The following WDFY2 variants were observed in gnomAD, a reference collection of about 807,000 sequenced individuals.
WDFY2 encodes WD repeat and FYVE domain-containing protein 2.
Under a neutral mutation model 56.4 loss-of-function variants are expected in WDFY2, and 36 were observed. The ratio of observed to expected loss-of-function variants is 0.64; its 90% CI spans 0.49 to 0.84. WDFY2 has a LOEUF of 0.84. Among genes scored for constraint, WDFY2 ranks in the 40% least tolerant of loss-of-function variants. WDFY2 has a pLI of 0.00. For synonymous variants in WDFY2, 176 were observed against 183.7 expected (o/e 0.96, Z 0.34); for missense variants, 444 against 512.2 (o/e 0.87, Z 1.29).
intron 1 of WDFY2, among the ~76,000 whole-genome samples, chr13:51,605,956 C>T (rs1954378196): frequency 6.6e-6 from 1 of 152,194 alleles, no homozygotes; most frequent in Admixed American, 6.5e-5. Flanking sequence ...TTCATTCTAA[C>T]ATCAATCGCA....
Position 51,665,114 on chromosome 13 carries a change from G to T in WDFY2, c.205+4451G>T, listed in dbSNP as rs534258300. 5.9e-5 allele frequency among the ~76,000 whole-genome samples: 9 copies of T among 152,288 alleles called. No homozygotes were observed. In the East Asian group the frequency reaches 1.7e-3, roughly 29 times the overall value. ...GACATGGTCACAAAGTCTGCCTAAG[G>T]AAAGTTCATTTTAAACCCTACTCTC... On this transcript the variant is annotated intron_variant, in intron 2 of 11. Transcript: ENST00000298125.
chr13:51,651,608 A>G (rs1955387154), intron 1 of WDFY2, among the ~76,000 whole-genome samples: 1 of 152,172 alleles, frequency 6.6e-6, no homozygotes, highest in Non-Finnish European at 1.5e-5. Flanking sequence ...AGATTCTGGT[A>G]TGTTGTGTCT....
chr13:51,717,676 A>T (rs1157621123), intron 4 of WDFY2, among the ~76,000 whole-genome samples: 1 of 151,984 alleles, frequency 6.6e-6, no homozygotes, highest in African/African-American at 2.4e-5. Flanking sequence ...TGAACATTTG[A>T]CGATAGAGAC....
intron 8 of WDFY2, among the ~76,000 whole-genome samples, chr13:51,753,701 GTGATGTGTT>G (rs1223977908): frequency 3.3e-5 from 5 of 152,050 alleles, no homozygotes; most frequent in African/African-American, 1.2e-4. Flanking sequence ...GATACCCACT[GTGATGTGTT>G]TGATGTGTGT....
intron 3 of WDFY2, among the ~76,000 whole-genome samples, chr13:51,682,555 G>A (rs1401832790): frequency 6.6e-6 from 1 of 152,082 alleles, no homozygotes; most frequent in East Asian, 1.9e-4. Context: ...CACAAGCCCT[G>A]GTATCAGACT....
chr13:51,739,513 G>A (rs1185441273), intron 7 of WDFY2, among the ~76,000 whole-genome samples: 5 of 152,082 alleles, frequency 3.3e-5, no homozygotes, highest in Non-Finnish European at 7.4e-5. Context: ...AGCTGTGAAG[G>A]CTTACAAAAT....
rs1432622680 is a variant in WDFY2 at position 51,767,672 on chromosome 13, T to C, written c.*7903T>C. On this transcript the variant is annotated 3_prime_UTR_variant, in exon 12 of 12. Coordinates refer to ENST00000298125, the MANE Select transcript of WDFY2 (RefSeq NM_052950.4). ...GAAGCCACTCCTAATCTTAAGCAAA[T>C]GTAAACTAGGCCTCATTAAATTGTT... 1.9e-5 allele frequency: 3 copies of C among 153,934 alleles called. No homozygotes were observed. Among genetic ancestry groups the C allele is most frequent in the East Asian group, 1.9e-4 (1 of 5,168 alleles). 9.5% of individuals were successfully genotyped at this position (153,934 alleles called of 1,614,324 possible). A position where few individuals can be genotyped will look rare whatever the true frequency, so the allele number is the denominator to read the frequency against.
intron 1 of WDFY2, among the ~76,000 whole-genome samples, chr13:51,630,481 T>A (rs1213372087): frequency 6.6e-6 from 1 of 151,460 alleles, no homozygotes; most frequent in Non-Finnish European, 1.5e-5. Flanking sequence ...TTTTTTTTTA[T>A]GTTTGGGTCA....
chr13:51,660,814 T>C, intron 2 of WDFY2, 151 bp downstream of exon 2: 1 of 642,032 alleles, frequency 1.6e-6, no homozygotes, highest in Non-Finnish European at 2.6e-6. Flanking sequence ...TTCTAAGGCT[T>C]TCACTATGTA....
At chr13:51,689,370 A>C (rs1389925683) in intron 3 of WDFY2, among the ~76,000 whole-genome samples, 1 of 152,136 alleles carries the variant, frequency 6.6e-6, no homozygotes, top group Non-Finnish European at 1.5e-5. Flanking sequence ...TTTGTGCTAT[A>C]TGTGTAAACC....
intron 1 of WDFY2, among the ~76,000 whole-genome samples, chr13:51,650,620 T>C (rs1202294768): frequency 1.3e-5 from 2 of 152,242 alleles, no homozygotes; most frequent in Non-Finnish European, 2.9e-5. Flanking sequence ...GTTTTTAGCA[T>C]GAAGTGCTGT....
chr13:51,602,021 A>C (rs1954294175), intron 1 of WDFY2, among the ~76,000 whole-genome samples: 1 of 152,238 alleles, frequency 6.6e-6, no homozygotes, highest in African/African-American at 2.4e-5. Context: ...TATTGGCATT[A>C]CACAATTGTA....
chr13:51,596,821 G>GA, intron 1 of WDFY2, among the ~76,000 whole-genome samples: 1 of 152,252 alleles, frequency 6.6e-6, no homozygotes, highest in Middle Eastern at 3.4e-3. Context: ...TTATTTACAG[G>GA]AAAAAAGGCA....
chr13:51,743,467 A>G (rs748416476), intron 7 of WDFY2, among the ~76,000 whole-genome samples: 10 of 152,252 alleles, frequency 6.6e-5, no homozygotes, highest in Non-Finnish European at 1.3e-4. Context: ...TAATGCATAT[A>G]AAATAATCAG....
chr13:51,749,115 TTTG>T (rs1183652314), intron 7 of WDFY2, among the ~76,000 whole-genome samples: 1 of 152,212 alleles, frequency 6.6e-6, no homozygotes, highest in Non-Finnish European at 1.5e-5. Flanking sequence ...ATCAAAATTT[TTTG>T]TTTTGGAAAA....
chr13:51,716,905 T>C (rs1312361131), intron 4 of WDFY2, among the ~76,000 whole-genome samples: 2 of 152,134 alleles, frequency 1.3e-5, no homozygotes, highest in Non-Finnish European at 2.9e-5. Flanking sequence ...TGTAATCCAT[T>C]ACGTCAACAG....
rs973246193 is a variant in WDFY2 at position 51,751,586 on chromosome 13, A to T, written c.831+171A>T. ...TTTTTTTTTTCCCTCACAAGTTGGC[A>T]TGTAACATTACTGTGATGGAGAGTT... On this transcript the variant is annotated intron_variant, in intron 8 of 11. Transcript: ENST00000298125. 6.3e-6 allele frequency: 4 copies of T among 636,420 alleles called. No homozygotes were observed. The Admixed American group carries it at 8.0e-5, about 13-fold the overall frequency. 39.4% of individuals were successfully genotyped at this position (636,420 alleles called of 1,614,324 possible).
Position 51,750,410 on chromosome 13 carries a change from A to G in WDFY2, c.726-900A>G, listed in dbSNP as rs143405365. 1.6e-4 allele frequency among the ~76,000 whole-genome samples: 24 copies of G among 152,256 alleles called. No individual in the cohort carries two copies. In the East Asian group the frequency reaches 3.3e-3, roughly 21 times the overall value. On this transcript the variant is annotated intron_variant, in intron 7 of 11. Transcript: ENST00000298125. The stretch of plus-strand genomic sequence containing the variant: ...ACAGCTTAATAGCTTTAGTTTTTCA[A>G]CTTCAGCCACAGATCAAGAATAAAT...
chr13:51,765,965 A>G lies in WDFY2; in HGVS notation c.*6196A>G, dbSNP rs1016335891. The G allele has an allele frequency of 6.6e-6, 1 of 152,046 alleles. No homozygotes were observed. Among genetic ancestry groups the G allele is most frequent in the East Asian group, 1.9e-4 (1 of 5,182 alleles). The allele number at this position is 152,046 out of a possible 1,614,324, so 9.4% of individuals were successfully genotyped here. ...TGAGAATCTGACCTTGTTACTTATG[A>G]TTCTTTTTTCCCTTGGTTCTCGGGG... On this transcript the variant is annotated 3_prime_UTR_variant, in exon 12 of 12. Coordinates refer to ENST00000298125, the MANE Select transcript of WDFY2 (RefSeq NM_052950.4).
Sources: gnomAD v4.1 joint callset for allele counts (sites outside exome capture counted in the v4.1 genomes callset) on GRCh38, gnomAD v4.1.1 for gene constraint, MANE v1.5 for transcripts, NCBI Gene and HGNC (gene_info 2026-07-23, HGNC 2026-07-21) for gene names.